CC2D2A: variants seen among roughly 807,000 people sequenced by gnomAD.
CC2D2A encodes the protein coiled-coil and C2 domain containing 2A, also known as coiled-coil and C2 domain-containing protein 2A.
Under a neutral mutation model 212.9 loss-of-function variants are expected in CC2D2A, and 155 were observed. The ratio of observed to expected loss-of-function variants is 0.73; its 90% CI spans 0.64 to 0.83. CC2D2A has a LOEUF of 0.83. CC2D2A is among the 40% of genes least tolerant of loss of function. The probability of loss-of-function intolerance (pLI) is 0.00; values close to 1 mark genes in which losing one functional copy is unlikely to be tolerated. For missense variants in CC2D2A, 1,856 were observed against 1,956.2 expected (o/e 0.95, Z 0.97); for synonymous variants, 667 against 686.5 (o/e 0.97, Z 0.44).
At chr4:15,572,603 C>G (rs1720220473) in intron 28 of CC2D2A, among the ~76,000 whole-genome samples, 1 of 151,470 alleles carries the variant, frequency 6.6e-6, no homozygotes, top group Non-Finnish European at 1.5e-5. Flanking sequence ...ATGCACAGGA[C>G]AGACCTCCAT....
chr4:15,485,403 G>A (rs967369766), intron 4 of CC2D2A, among the ~76,000 whole-genome samples: 5 of 152,106 alleles, frequency 3.3e-5, no homozygotes, highest in South Asian at 2.1e-4. Flanking sequence ...GGTTAATTCC[G>A]TATCTTAGCT....
intron 11 of CC2D2A, 118 bp downstream of exon 11, chr4:15,516,874 C>A: frequency 1.0e-6 from 1 of 969,488 alleles, no homozygotes; most frequent in Non-Finnish European, 1.4e-6. Context: ...AATTCACTAT[C>A]TTACACATAA....
At chr4:15,570,360 A>G in intron 27 of CC2D2A, 38 bp from the exon 28 acceptor site, 2 of 1,264,084 alleles carry the variant, frequency 1.6e-6, no homozygotes, top group Non-Finnish European at 2.2e-6. Context: ...GAGTTTCTGG[A>G]GTTCTTAAGC....
chr4:15,568,931 G>C (rs1720028587), intron 26 of CC2D2A, among the ~76,000 whole-genome samples: 1 of 152,134 alleles, frequency 6.6e-6, no homozygotes, highest in Admixed American at 6.5e-5. Flanking sequence ...CATTTGCTTA[G>C]GAAGTCCATA....
rs200434902 is a variant in CC2D2A, at chr4:15,514,775, C to A, written c.786C>A (p.Asp262Glu). The change falls in exon 9 of 37, where the codon GAC (aspartate) becomes GAA (glutamate). Residue 262 changes from aspartate to glutamate, a missense_variant. This residue lies in a region of CC2D2A where 1,512 missense variants were observed against 1,579.3 expected (regional missense o/e 0.96). Transcript: ENST00000424120. ...DFLLGLDHVADDFVAVRPADY... is the reference protein window; with the variant it reads ...DFLLGLDHVAEDFVAVRPADY... Reference sequence around the variant, plus strand: ...TATTGGGCTTAGATCACGTGGCTGACGATTTTGTAGCAGTCAGACCTGCAG... The same window carrying A: ...TATTGGGCTTAGATCACGTGGCTGAAGATTTTGTAGCAGTCAGACCTGCAG... 9 of 1,612,980 alleles carry A rather than the reference C, an allele frequency of 5.6e-6. No individual in the cohort carries two copies. Among genetic ancestry groups the A allele is most frequent in the Non-Finnish European group, 5.9e-6 (7 of 1,179,186 alleles).
At chr4:15,570,335 C>A in intron 27 of CC2D2A, 63 bp from the exon 28 acceptor site, 1 of 1,007,590 alleles carries the variant, frequency 9.9e-7, no homozygotes, top group Admixed American at 2.2e-5. Context: ...TTTCCTGCTG[C>A]CAGATTAATT....
intron 25 of CC2D2A, 50 bp downstream of exon 25, chr4:15,567,532 G>T: frequency 6.7e-7 from 1 of 1,503,494 alleles, no homozygotes; most frequent in Non-Finnish European, 9.1e-7. Flanking sequence ...AAGTTTTTAA[G>T]AAATGACTGT....
At chr4:15,507,696 T>C (rs1381361845) in intron 6 of CC2D2A, among the ~76,000 whole-genome samples, 4 of 152,128 alleles carry the variant, frequency 2.6e-5, no homozygotes, top group African/African-American at 9.7e-5. Flanking sequence ...GAAAGAGAGA[T>C]GGAGAAGTGT....
In CC2D2A at chr4:15,557,344, G is replaced by C. The variant is rs770439836; in HGVS notation, c.2666G>C (p.Arg889Thr). Residue 889 changes from arginine to threonine, a missense_variant, in exon 21 of 37, where the codon AGA becomes ACA. Arg to Thr is a moderately conservative substitution (Grantham distance 71). This residue lies in a region of CC2D2A where 1,512 missense variants were observed against 1,579.3 expected (regional missense o/e 0.96). Coordinates refer to ENST00000424120, the MANE Select transcript of CC2D2A (RefSeq NM_001378615.1). ...SGESYVPDFF[R>T]LEQLQQEFNF... The stretch of plus-strand genomic sequence containing the variant: ...GAATCCTATGTCCCTGATTTCTTTA[G>C]ACTGGAGCAGCTGCAACAGGAGTTT... The C allele has an allele frequency of 1.2e-6, 2 of 1,613,580 alleles. No homozygotes were observed. Among genetic ancestry groups the C allele is most frequent in the Non-Finnish European group, 1.7e-6 (2 of 1,179,688 alleles).
At chr4:15,598,074 C>T (rs1721398478) in intron 35 of CC2D2A, among the ~76,000 whole-genome samples, 1 of 152,160 alleles carries the variant, frequency 6.6e-6, no homozygotes. Flanking sequence ...TCGGTTTACA[C>T]TCATTTACTC....
intron 4 of CC2D2A, among the ~76,000 whole-genome samples, chr4:15,485,157 TA>T (rs1714925993): frequency 6.6e-6 from 1 of 152,230 alleles, no homozygotes; most frequent in Non-Finnish European, 1.5e-5. Flanking sequence ...CTGCCTCTGG[TA>T]ACCATCATTC....
intron 13 of CC2D2A, among the ~76,000 whole-genome samples, chr4:15,529,967 T>C (rs1717742888): frequency 6.6e-6 from 1 of 150,666 alleles, no homozygotes; most frequent in Non-Finnish European, 1.5e-5. Flanking sequence ...TACGCATTTC[T>C]TTTTTATTTT....
intron 36 of CC2D2A, 105 bp from the exon 37 acceptor site, chr4:15,601,132 T>A: frequency 1.2e-6 from 1 of 820,852 alleles, no homozygotes; most frequent in Non-Finnish European, 1.8e-6. Flanking sequence ...CACAAGCAAA[T>A]AACTGAGATC....
chr4:15,600,916 A>AAAG (rs1553845805), intron 36 of CC2D2A, among the ~76,000 whole-genome samples: 5 of 150,126 alleles, frequency 3.3e-5, no homozygotes, highest in South Asian at 2.1e-4. Flanking sequence ...AAAAAAAAAA[A>AAAG]AAAAAGAAAA....
At position 15,474,213 on chromosome 4, in the gene CC2D2A, A is replaced by G. The variant is rs572485442; in HGVS notation, c.-18-1702A>G. Among the ~76,000 whole-genome samples, 5 of 152,340 alleles carry G rather than the reference A, an allele frequency of 3.3e-5. No individual in the cohort carries two copies. In the East Asian group the frequency reaches 9.6e-4, roughly 29 times the overall value. Reference sequence around the variant, plus strand: ...CAGTCAGTGGGTAAAAGGAAAACCAAGAAAGAACTTGTTCCAGGAGCCAAC... The same window carrying G: ...CAGTCAGTGGGTAAAAGGAAAACCAGGAAAGAACTTGTTCCAGGAGCCAAC... On this transcript the variant is annotated intron_variant, in intron 1 of 36. Coordinates refer to ENST00000424120, the MANE Select transcript of CC2D2A (RefSeq NM_001378615.1).
At chr4:15,500,103 G>GTATATATATATA in intron 4 of CC2D2A, among the ~76,000 whole-genome samples, 1 of 73,158 alleles carries the variant, frequency 1.4e-5, no homozygotes, top group South Asian at 5.2e-4. Flanking sequence ...GTGTGTGTGT[G>GTATATATATATA]TGTGTATATA....
At chr4:15,585,563 C>G (rs530556778) in intron 30 of CC2D2A, among the ~76,000 whole-genome samples, 1 of 152,188 alleles carries the variant, frequency 6.6e-6, no homozygotes, top group East Asian at 1.9e-4. Flanking sequence ...TTCTGGTGTT[C>G]TATTACACAG....
chr4:15,561,250 C>T (rs373575741), intron 23 of CC2D2A, among the ~76,000 whole-genome samples: 5 of 152,330 alleles, frequency 3.3e-5, no homozygotes, highest in Admixed American at 1.3e-4. Context: ...AAGATAATTT[C>T]CCATACTGGT....
At position 15,558,201 on chromosome 4, in the gene CC2D2A, A is replaced by G. The variant is rs140263495; in HGVS notation, c.2829+694A>G. 3.6e-3 allele frequency among the ~76,000 whole-genome samples: 549 copies of G among 152,094 alleles called. 3 individuals are homozygous for G. Among genetic ancestry groups the G allele is most frequent in the African/African-American group, 0.012 (502 of 41,468 alleles). On this transcript the variant is annotated intron_variant, in intron 21 of 36. Transcript: ENST00000424120. The stretch of plus-strand genomic sequence containing the variant: ...ATGAGCTGTAGACACATGCACTTTT[A>G]TTAATACTTAACAAGGTAAATGGAG...
Sources: allele counts gnomAD v4.1 joint callset (sites outside exome capture counted in the v4.1 genomes callset), GRCh38; gene constraint gnomAD v4.1.1; regional missense constraint gnomAD v4.1.1; transcripts MANE v1.5; gene names NCBI Gene and HGNC (gene_info 2026-07-23, HGNC 2026-07-21).